The following ETNK2 variants were observed in gnomAD, a reference collection of about 807,000 sequenced individuals.
ETNK2 encodes the protein ethanolamine kinase 2.
Under a neutral mutation model 46.2 loss-of-function variants are expected in ETNK2, and 33 were observed. That is an observed-to-expected ratio of 0.71 (90% CI 0.54 to 0.96). The LOEUF is 0.96. Ranked by LOEUF, ETNK2 falls within the 40% of genes least tolerant of loss-of-function variation. The probability of loss-of-function intolerance (pLI) is 0.00; values close to 1 mark genes in which losing one functional copy is unlikely to be tolerated. For synonymous variants in ETNK2, 194 were observed against 209.0 expected (o/e 0.93, Z 0.62); for missense variants, 445 against 509.7 (o/e 0.87, Z 1.22).
rs1348304359 is a variant in ETNK2 at position 204,132,200 on chromosome 1, A to G, written c.1145T>C (p.Leu382Ser). Residue 382 changes from leucine to serine, a missense_variant, in exon 8 of 8, where the codon TTG (leucine) becomes TCG (serine). Physicochemically the swap from Leu to Ser is moderately radical, Grantham distance 145. Coordinates refer to ENST00000367202, the MANE Select transcript of ETNK2 (RefSeq NM_018208.4). ...YFKVKPQASA[L>S]EMPK is the part of the protein sequence containing the mutation. ...GGTGGCTGGTCACTTTGGCATCTCC[A>G]AGGCTGACGCTTGAGGCTTCACCTT... The G allele has an allele frequency of 1.3e-6, 2 of 1,573,340 alleles. No individual in the cohort carries two copies. The highest frequency in any genetic ancestry group is 2.3e-5 in the East Asian group (1 of 42,816).
Position 204,131,284 on chromosome 1 carries a change from C to T in ETNK2, c.*900G>A, listed in dbSNP as rs1429011817. ...GGGGCCCTGGCCCCCACCCCATCCT[C>T]TTGGCTCCCTCTAGTCATTCCAGAT... On this transcript the variant is annotated 3_prime_UTR_variant, in exon 8 of 8. Transcript: ENST00000367202. This position sits in a 1 kb window ranked among gnomAD's most constrained non-coding sequence, Gnocchi z 4.3. The T allele has an allele frequency of 6.6e-6, 1 of 152,412 alleles. No homozygotes were observed. Among genetic ancestry groups the T allele is most frequent in the Non-Finnish European group, 1.5e-5 (1 of 68,242 alleles). 9.4% of individuals were successfully genotyped at this position (152,412 alleles called of 1,614,324 possible). A position where few individuals can be genotyped will look rare whatever the true frequency, so the allele number is the denominator to read the frequency against.
At chr1:204,139,990 G>T in intron 5 of ETNK2, 45 bp downstream of exon 5, 1 of 1,540,644 alleles carries the variant, frequency 6.5e-7, no homozygotes, top group South Asian at 1.1e-5. Context: ...GTCATTGACT[G>T]AAACACCGCT....
At chr1:204,134,618 G>A in intron 6 of ETNK2, 30 bp from the exon 7 acceptor site, 2 of 1,614,006 alleles carry the variant, frequency 1.2e-6, no homozygotes, top group Middle Eastern at 3.3e-4. Flanking sequence ...GGTCAGCCTG[G>A]CAATCTCCCC....
chr1:204,144,226 A>C (rs148140935), intron 3 of ETNK2, among the ~76,000 whole-genome samples: 1,863 of 151,684 alleles, frequency 0.012, 42 homozygotes, highest in African/African-American at 0.043. Context: ...GGCACCAGTA[A>C]TCCCAGCTAC....
At chr1:204,132,310 T>C (rs1657106971) in intron 7 of ETNK2, 54 bp from the exon 8 acceptor site, 6 of 1,387,360 alleles carry the variant, frequency 4.3e-6, no homozygotes, top group Non-Finnish European at 6.0e-6. Flanking sequence ...AGGTGGGCCC[T>C]GCTGGGGGTG....
intron 2 of ETNK2, among the ~76,000 whole-genome samples, chr1:204,147,808 AG>A (rs1222785966): frequency 6.6e-6 from 1 of 152,118 alleles, no homozygotes; most frequent in African/African-American, 2.4e-5. Context: ...CACCTCCTAA[AG>A]GGTGGAGGAG....
chr1:204,151,563 C>T lies in ETNK2; in HGVS notation c.258+32G>A, dbSNP rs1382496870. ...CATCCCCCTGGCAGCCCTGGCAGGACCCCATCCTCGGCCCCGCGCCCACTC... is the reference window on the plus strand; with the variant it reads ...CATCCCCCTGGCAGCCCTGGCAGGATCCCATCCTCGGCCCCGCGCCCACTC... On this transcript the variant is annotated intron_variant, in intron 1 of 7. Coordinates refer to ENST00000367202, the MANE Select transcript of ETNK2 (RefSeq NM_018208.4). This position sits in a 1 kb window ranked among gnomAD's most constrained non-coding sequence, Gnocchi z 8.0. 1 of 1,548,164 alleles carries T rather than the reference C, an allele frequency of 6.5e-7. No homozygotes were observed. The highest frequency in any genetic ancestry group is 8.7e-7 in the Non-Finnish European group (1 of 1,145,950).
intron 2 of ETNK2, 113 bp downstream of exon 2, chr1:204,149,590 T>A (rs768536552): frequency 1.5e-5 from 20 of 1,331,012 alleles, no homozygotes; most frequent in Non-Finnish European, 1.9e-5. Context: ...TTTCATGCAA[T>A]TTCAGGGAAC....
chr1:204,139,944 C>A, intron 5 of ETNK2, 91 bp downstream of exon 5: 1 of 1,021,360 alleles, frequency 9.8e-7, no homozygotes, highest in Admixed American at 1.7e-5. Flanking sequence ...CGTAAATATA[C>A]AGTAATCTCA....
rs549493366 is a variant in ETNK2, at chr1:204,139,770, C to T, written c.868+265G>A. On this transcript the variant is annotated intron_variant, in intron 5 of 7. Transcript: ENST00000367202. The stretch of plus-strand genomic sequence containing the variant: ...CAAACCTAGATGGGATAGCCTACTA[C>T]ACACCTAGGCTGCATGGTATAGCCT... Among the ~76,000 whole-genome samples, 10 of 152,320 alleles carry T rather than the reference C, an allele frequency of 6.6e-5. No homozygotes were observed. In the East Asian group the frequency reaches 1.9e-3, roughly 29 times the overall value.
At chr1:204,134,723 G>C in intron 6 of ETNK2, 135 bp from the exon 7 acceptor site, 1 of 1,575,908 alleles carries the variant, frequency 6.3e-7, no homozygotes, top group Non-Finnish European at 8.6e-7. Flanking sequence ...GGTCTCCCTA[G>C]CACAAGCTGG....
chr1:204,142,664 T>C (rs1487930507), intron 3 of ETNK2: 2 of 152,154 alleles, frequency 1.3e-5, no homozygotes, highest in Admixed American at 1.3e-4. Context: ...CAAGAGCACA[T>C]AGAGAAGGAT....
At chr1:204,138,383 T>G (rs1486612298) in intron 5 of ETNK2, among the ~76,000 whole-genome samples, 1 of 152,192 alleles carries the variant, frequency 6.6e-6, no homozygotes, top group African/African-American at 2.4e-5. Flanking sequence ...GAAATTCCAG[T>G]TGGATTTTGC....
At chr1:204,137,363 G>A in intron 5 of ETNK2, 114 bp from the exon 6 acceptor site, 5 of 1,370,414 alleles carry the variant, frequency 3.6e-6, no homozygotes, top group Non-Finnish European at 3.9e-6. Flanking sequence ...TTGATCTTTG[G>A]GGCTGTGCCC....
In ETNK2 at chr1:204,131,707, G is replaced by C. The variant is rs777135117; in HGVS notation, c.*477C>G. ...CCAAGATAGGTACATCCATGTGTCA[G>C]AGTTGGTGTGATGCTGGTTTGGAGC... On this transcript the variant is annotated 3_prime_UTR_variant, in exon 8 of 8. Coordinates refer to ENST00000367202, the MANE Select transcript of ETNK2 (RefSeq NM_018208.4). This position sits in a 1 kb window ranked among gnomAD's most constrained non-coding sequence, Gnocchi z 4.3. 6.3e-5 allele frequency: 11 copies of C among 173,418 alleles called. No homozygotes were observed. The highest frequency in any genetic ancestry group is 1.7e-4 in the Admixed American group (3 of 18,154). 10.7% of individuals were successfully genotyped at this position (173,418 alleles called of 1,614,324 possible).
chr1:204,134,802 G>C, intron 6 of ETNK2: 2 of 1,105,446 alleles, frequency 1.8e-6, no homozygotes, highest in Non-Finnish European at 2.6e-6. Flanking sequence ...AAGGTGGGCA[G>C]AGCTAGTTCT....
chr1:204,149,433 G>C (rs1324603668), intron 2 of ETNK2, among the ~76,000 whole-genome samples: 1 of 152,210 alleles, frequency 6.6e-6, no homozygotes, highest in East Asian at 1.9e-4. Context: ...CATGATGCCA[G>C]GAAGCAGATC....
rs1658024485 is a variant in ETNK2 at position 204,151,902 on chromosome 1, G to GGGGGGTCCGGCGA, written c.-63_-51dup. On this transcript the variant is annotated 5_prime_UTR_variant, in exon 1 of 8. An upstream open reading frame in the 5' UTR loses its in-frame stop. Transcript: ENST00000367202. This position sits in a 1 kb window ranked among gnomAD's most constrained non-coding sequence, Gnocchi z 8.0. ...GCCGCGGCAGACGCTAGCCCCGGCGGGGGGGTCCGGCGAGGGAGTGGGAGT... is the reference window on the plus strand; with the variant it reads ...GCCGCGGCAGACGCTAGCCCCGGCGGGGGGGTCCGGCGAGGGGGTCCGGCGAGGGAGTGGGAGT... 5 of 1,405,950 alleles carry GGGGGGTCCGGCGA rather than the reference G, an allele frequency of 3.6e-6. No individual in the cohort carries two copies. Among genetic ancestry groups the GGGGGGTCCGGCGA allele is most frequent in the African/African-American group, 1.5e-5 (1 of 65,352 alleles). 87.1% of individuals were successfully genotyped at this position (1,405,950 alleles called of 1,614,324 possible).
At chr1:204,141,500 T>C (rs1331328346) in intron 3 of ETNK2, 43 bp from the exon 4 acceptor site, 2 of 1,548,414 alleles carry the variant, frequency 1.3e-6, no homozygotes, top group East Asian at 2.4e-5. Flanking sequence ...GGAGGGCTGA[T>C]AGACAGGTGC....
Sources: gnomAD v4.1 joint callset for allele counts (sites outside exome capture counted in the v4.1 genomes callset) on GRCh38, gnomAD v4.1.1 for gene constraint, Gnocchi (gnomAD v3.1) non-coding constraint, MANE v1.5 for transcripts, NCBI Gene and HGNC (gene_info 2026-07-23, HGNC 2026-07-21) for gene names.